Variants in TMEM51 observed in about 807,000 individuals in gnomAD.
TMEM51 encodes the protein chromosome 1 open reading frame 72.
A neutral mutation model predicts 13.6 loss-of-function variants in TMEM51; 8 were observed. The observed-to-expected ratio is 0.59, with a 90% confidence interval of 0.35 to 1.07. The LOEUF (loss-of-function observed/expected upper bound fraction) is 1.07. TMEM51 is among the 50% of genes least tolerant of loss of function. The pLI is 0.02. For missense variants in TMEM51, 279 were observed against 330.7 expected (o/e 0.84, Z 1.21); for synonymous variants, 147 against 144.4 (o/e 1.02, Z -0.13).
intron 1 of TMEM51, among the ~76,000 whole-genome samples, chr1:15,163,831 G>GGGGGGGA (rs1276935783): frequency 6.9e-6 from 1 of 144,992 alleles, no homozygotes; most frequent in Non-Finnish European, 1.5e-5. Flanking sequence ...TTTTTTTGGG[G>GGGGGGGA]GGGGGGAGGG....
intron 1 of TMEM51, among the ~76,000 whole-genome samples, chr1:15,204,781 T>C (rs1022162390): frequency 6.6e-6 from 1 of 152,028 alleles, no homozygotes; most frequent in African/African-American, 2.4e-5. Context: ...ATGAGCTAAA[T>C]TGTGTAAAGT....
chr1:15,193,243 C>G (rs1643970848), intron 1 of TMEM51, among the ~76,000 whole-genome samples: 1 of 152,240 alleles, frequency 6.6e-6, no homozygotes. Context: ...CCAGTTGCAC[C>G]AGCTGCCGGC....
At chr1:15,184,448 G>A (rs1159979456) in intron 1 of TMEM51, among the ~76,000 whole-genome samples, 1 of 152,206 alleles carries the variant, frequency 6.6e-6, no homozygotes, top group Non-Finnish European at 1.5e-5. Context: ...TACCTTGAAG[G>A]CAAGTGGGGA....
Position 15,219,405 on chromosome 1 carries a change from T to C in TMEM51, c.424T>C (p.Tyr142His), listed in dbSNP as rs776518693. Residue 142 changes from tyrosine to histidine, a missense_variant, in exon 4 of 4, where the codon TAC (tyrosine) becomes CAC (histidine). Tyr to His is a moderately conservative substitution (Grantham distance 83, BLOSUM62 2). Coordinates refer to ENST00000376008, the MANE Select transcript of TMEM51 (RefSeq NM_001136218.2). ...CTACGAGGAAGTGATGAACACAAAC[T>C]ACTCAGAAGCAAGGGGAGAGGAGCA... The part of the protein sequence containing the change: ...PSYEEVMNTN[Y>H]SEARGEEQNP... The C allele has an allele frequency of 6.2e-7, 1 of 1,612,826 alleles. No homozygotes were observed. Among genetic ancestry groups the C allele is most frequent in the Non-Finnish European group, 8.5e-7 (1 of 1,178,976 alleles).
chr1:15,180,096 T>C (rs542961063), intron 1 of TMEM51, among the ~76,000 whole-genome samples: 192 of 152,266 alleles, frequency 1.3e-3, no homozygotes, highest in Non-Finnish European at 2.1e-3. Flanking sequence ...CCCACGAGCA[T>C]CTCCATGCTC....
intron 1 of TMEM51, among the ~76,000 whole-genome samples, chr1:15,189,726 T>G (rs1425319624): frequency 6.6e-6 from 1 of 152,240 alleles, no homozygotes; most frequent in Non-Finnish European, 1.5e-5. Flanking sequence ...GTTGGGATGA[T>G]TCCATTTACA....
At chr1:15,176,604 T>A (rs1323509056) in intron 1 of TMEM51, among the ~76,000 whole-genome samples, 2 of 152,196 alleles carry the variant, frequency 1.3e-5, no homozygotes, top group Admixed American at 6.5e-5. Context: ...TCCTTGGACA[T>A]GTTCAGGACA....
chr1:15,188,284 G>A (rs146996896), intron 1 of TMEM51, among the ~76,000 whole-genome samples: 34 of 152,288 alleles, frequency 2.2e-4, no homozygotes, highest in African/African-American at 7.7e-4. Context: ...GAGGGACAGG[G>A]AAGTCTCAGT....
At chr1:15,181,454 T>G (rs192211655) in intron 1 of TMEM51, among the ~76,000 whole-genome samples, 1 of 152,198 alleles carries the variant, frequency 6.6e-6, no homozygotes, top group African/African-American at 2.4e-5. Flanking sequence ...ATCCAGGGAC[T>G]CTTAAGCGCT....
At chr1:15,154,720 A>C (rs1573360935) in intron 1 of TMEM51, among the ~76,000 whole-genome samples, 1 of 152,286 alleles carries the variant, frequency 6.6e-6, no homozygotes, top group Non-Finnish European at 1.5e-5. Context: ...TTTCCCAACC[A>C]GCGGTGGGGG....
At chr1:15,185,234 T>C (rs1272394023) in intron 1 of TMEM51, among the ~76,000 whole-genome samples, 1 of 152,228 alleles carries the variant, frequency 6.6e-6, no homozygotes, top group African/African-American at 2.4e-5. Flanking sequence ...ATCTGTTCTA[T>C]TCCTACCCCA....
intron 1 of TMEM51, among the ~76,000 whole-genome samples, chr1:15,197,519 C>T (rs1644072665): frequency 6.6e-6 from 1 of 152,120 alleles, no homozygotes; most frequent in Non-Finnish European, 1.5e-5. Context: ...TTTACCCAGG[C>T]CATCTTCTTA....
Position 15,206,631 on chromosome 1 carries a change from C to G in TMEM51, c.-266-3859C>G, listed in dbSNP as rs997680249. Reference sequence around the variant, plus strand: ...GGCAGATCATTCCTTGAAGGGTGGCCGTGAGGATCGGGTGAGTTTAGGAAT... The same window carrying G: ...GGCAGATCATTCCTTGAAGGGTGGCGGTGAGGATCGGGTGAGTTTAGGAAT... On this transcript the variant is annotated intron_variant, in intron 1 of 3. Coordinates refer to ENST00000376008, the MANE Select transcript of TMEM51 (RefSeq NM_001136218.2). 2.8e-5 allele frequency among the ~76,000 whole-genome samples: 4 copies of G among 140,626 alleles called. No homozygotes were observed. The South Asian group carries it at 8.0e-4, about 28-fold the overall frequency. The allele number at this position is 140,626 out of a possible 152,430, so 92.3% of individuals were successfully genotyped here.
At chr1:15,190,820 C>T (rs1221033991) in intron 1 of TMEM51, among the ~76,000 whole-genome samples, 2 of 152,122 alleles carry the variant, frequency 1.3e-5, no homozygotes, top group African/African-American at 4.8e-5. Flanking sequence ...CAGAGTCTCA[C>T]TCTGTCGCCC....
intron 1 of TMEM51, chr1:15,191,767 A>C: frequency 3.1e-6 from 1 of 322,760 alleles, no homozygotes; most frequent in Non-Finnish European, 6.2e-6. Flanking sequence ...GAAGTTTGCA[A>C]ATCTTTTTAT....
intron 1 of TMEM51, among the ~76,000 whole-genome samples, chr1:15,159,250 A>C (rs1642689299): frequency 6.6e-6 from 1 of 152,242 alleles, no homozygotes; most frequent in Admixed American, 6.5e-5. Context: ...AACTGAGGCC[A>C]CAAAACAGAG....
intron 1 of TMEM51, among the ~76,000 whole-genome samples, chr1:15,196,297 A>G (rs557344086): frequency 9.2e-5 from 14 of 152,280 alleles, no homozygotes; most frequent in Non-Finnish European, 1.6e-4. Flanking sequence ...GTTCAGTGAC[A>G]TCGTGTCAGT....
intron 1 of TMEM51, among the ~76,000 whole-genome samples, chr1:15,203,651 G>A (rs763492911): frequency 2.0e-4 from 31 of 152,096 alleles, no homozygotes; most frequent in Admixed American, 1.9e-3. Context: ...GAGCTCTATG[G>A]GGACAAGGCC....
chr1:15,185,054 C>G (rs1471242878), intron 1 of TMEM51, among the ~76,000 whole-genome samples: 1 of 152,034 alleles, frequency 6.6e-6, no homozygotes, highest in Non-Finnish European at 1.5e-5. Flanking sequence ...ATCTGACCCC[C>G]ACACCCCAAA....
Sources: allele counts gnomAD v4.1 joint callset (sites outside exome capture counted in the v4.1 genomes callset), GRCh38; gene constraint gnomAD v4.1.1; transcripts MANE v1.5; gene names NCBI Gene and HGNC (gene_info 2026-07-23, HGNC 2026-07-21).